Variants in FGF12 observed in about 807,000 individuals in gnomAD.
The protein encoded by FGF12 is fibroblast growth factor 12.
In FGF12, 14 loss-of-function variants were observed where a neutral mutation model predicts 23.6. The observed-to-expected ratio is 0.59, with a 90% CI of 0.39 to 0.93. The LOEUF (loss-of-function observed/expected upper bound fraction) is 0.93. FGF12 is among the 40% of genes least tolerant of loss of function. FGF12 has a pLI of 0.00. For missense variants in FGF12, 175 were observed against 217.8 expected (o/e 0.80, Z 1.24); for synonymous variants, 62 against 77.3 (o/e 0.80, Z 1.04).
intron 4 of FGF12, among the ~76,000 whole-genome samples, chr3:192,330,899 A>G (rs1389548196): frequency 6.6e-6 from 1 of 152,162 alleles, no homozygotes; most frequent in Non-Finnish European, 1.5e-5. Flanking sequence ...AACAGAAACA[A>G]CTAACAGAGT....
chr3:192,591,545 A>C (rs561364941), intron 2 of FGF12, among the ~76,000 whole-genome samples: 3 of 152,014 alleles, frequency 2.0e-5, no homozygotes, highest in Admixed American at 6.5e-5. Flanking sequence ...AATGGAGTTC[A>C]GGCCAAGGCC....
At chr3:192,613,533 G>A (rs1014119839) in intron 2 of FGF12, among the ~76,000 whole-genome samples, 2 of 151,836 alleles carry the variant, frequency 1.3e-5, no homozygotes, top group Admixed American at 6.6e-5. Context: ...TAAATAAATC[G>A]TCCAATAAAG....
intron 4 of FGF12, chr3:192,268,759 T>A (rs1248768635): frequency 2.4e-6 from 1 of 422,768 alleles, no homozygotes. Flanking sequence ...TGTGAGCCGA[T>A]CAAAACTATT....
intron 2 of FGF12, among the ~76,000 whole-genome samples, chr3:192,641,631 C>A (rs1715811662): frequency 1.3e-5 from 2 of 151,588 alleles, no homozygotes; most frequent in Admixed American, 1.3e-4. Flanking sequence ...GTCTTGAACT[C>A]CCGACCTCAG....
intron 4 of FGF12, among the ~76,000 whole-genome samples, chr3:192,268,464 A>C (rs1008723333): frequency 5.9e-5 from 9 of 152,212 alleles, no homozygotes; most frequent in African/African-American, 1.7e-4. Context: ...TTTGAAATGT[A>C]ATCTCCAATG....
intron 4 of FGF12, among the ~76,000 whole-genome samples, chr3:192,258,018 A>AT (rs1269808532): frequency 8.0e-6 from 1 of 124,430 alleles, no homozygotes; most frequent in East Asian, 1.0e-3. Context: ...TAGTGGTAAA[A>AT]TTTAAAAAAA....
chr3:192,305,125 A>C (rs1026618862), intron 4 of FGF12, among the ~76,000 whole-genome samples: 1 of 152,118 alleles, frequency 6.6e-6, no homozygotes, highest in Admixed American at 6.5e-5. Flanking sequence ...AGAAAACTAA[A>C]TTGTTATAAA....
chr3:192,178,715 C>T (rs1443222130), intron 4 of FGF12, among the ~76,000 whole-genome samples: 1 of 152,182 alleles, frequency 6.6e-6, no homozygotes, highest in East Asian at 1.9e-4. Flanking sequence ...CCAGACGGGT[C>T]TCTAACTCCT....
chr3:192,530,506 A>G (rs896949655), intron 2 of FGF12, among the ~76,000 whole-genome samples: 3 of 152,162 alleles, frequency 2.0e-5, no homozygotes, highest in African/African-American at 7.2e-5. Context: ...TTATTCAACA[A>G]CAGCAATATT....
chr3:192,275,797 T>C (rs1387103959), intron 4 of FGF12, among the ~76,000 whole-genome samples: 2 of 152,164 alleles, frequency 1.3e-5, no homozygotes, highest in African/African-American at 4.8e-5. Flanking sequence ...ACTTTACTCA[T>C]TGTTCTCCAG....
intron 4 of FGF12, among the ~76,000 whole-genome samples, chr3:192,308,366 A>G (rs1715760696): frequency 6.6e-6 from 1 of 152,208 alleles, no homozygotes; most frequent in Non-Finnish European, 1.5e-5. Flanking sequence ...ACAAAATATC[A>G]AATATATTTA....
At chr3:192,169,775 C>T (rs1715436186) in intron 5 of FGF12, among the ~76,000 whole-genome samples, 2 of 150,124 alleles carry the variant, frequency 1.3e-5, no homozygotes, top group South Asian at 4.2e-4. Flanking sequence ...GATATGCTCT[C>T]ATCCTAGCTA....
At chr3:192,721,413 C>G (rs1457713580) in intron 2 of FGF12, among the ~76,000 whole-genome samples, 1 of 151,968 alleles carries the variant, frequency 6.6e-6, no homozygotes, top group African/African-American at 2.4e-5. Context: ...GTTTTGTTAT[C>G]TATAAAATAA....
chr3:192,630,037 T>C (rs1715324026), intron 2 of FGF12, among the ~76,000 whole-genome samples: 1 of 151,994 alleles, frequency 6.6e-6, no homozygotes, highest in Non-Finnish European at 1.5e-5. Context: ...ATGGGGTGGA[T>C]TTCTTATGAA....
At chr3:192,498,943 C>A (rs1235591792) in intron 2 of FGF12, among the ~76,000 whole-genome samples, 1 of 152,092 alleles carries the variant, frequency 6.6e-6, no homozygotes, top group Non-Finnish European at 1.5e-5. Context: ...AATTTGTGTG[C>A]AACAAAATAG....
chr3:192,254,941 T>C (rs768363783), intron 4 of FGF12, among the ~76,000 whole-genome samples: 4 of 152,092 alleles, frequency 2.6e-5, no homozygotes, highest in Non-Finnish European at 5.9e-5. Flanking sequence ...TTTCAAAATG[T>C]TCACTCTGCA....
intron 2 of FGF12, among the ~76,000 whole-genome samples, chr3:192,541,177 C>A (rs1725354833): frequency 6.6e-6 from 1 of 151,966 alleles, no homozygotes; most frequent in Admixed American, 6.6e-5. Context: ...TACTTGTTTT[C>A]TGGTTGTTTG....
intron 2 of FGF12, among the ~76,000 whole-genome samples, chr3:192,645,509 G>C (rs1020090903): frequency 6.6e-6 from 1 of 152,020 alleles, no homozygotes; most frequent in Non-Finnish European, 1.5e-5. Context: ...AGCAAAGTTG[G>C]TGAAGAAAGA....
At chr3:192,644,698 G>C (rs1394124289) in intron 2 of FGF12, among the ~76,000 whole-genome samples, 1 of 152,052 alleles carries the variant, frequency 6.6e-6, no homozygotes, top group Non-Finnish European at 1.5e-5. Flanking sequence ...CCAAGCTGTG[G>C]GACTGCAAGT....
Sources: gnomAD v4.1 joint callset for allele counts (sites outside exome capture counted in the v4.1 genomes callset) on GRCh38, gnomAD v4.1.1 for gene constraint, MANE v1.5 for transcripts, NCBI Gene and HGNC (gene_info 2026-07-23, HGNC 2026-07-21) for gene names.